LHCGR: variants seen among roughly 807,000 people sequenced by gnomAD.
LHCGR encodes the protein luteinizing hormone/choriogonadotropin receptor, also known as lutropin-choriogonadotropic hormone receptor.
LHCGR carries 55 observed loss-of-function variants against 60.7 expected under a neutral mutation model. The ratio of observed to expected loss-of-function variants is 0.91; its 90% CI spans 0.73 to 1.13. LHCGR has a LOEUF of 1.13. LHCGR is among the 50% of genes most tolerant of loss of function. The probability of loss-of-function intolerance (pLI) is 0.00; values close to 1 mark genes in which losing one functional copy is unlikely to be tolerated. For synonymous variants in LHCGR, 337 were observed against 316.5 expected, an observed-to-expected ratio of 1.06 and a Z score of -0.69; for missense variants, 862 against 836.0, an observed-to-expected ratio of 1.03 and a Z score of -0.38.
Position 48,714,065 on chromosome 2 carries a change from G to C in LHCGR, c.537-11C>G, listed in dbSNP as rs1210254333. 1 of 1,605,898 alleles carries C rather than the reference G, an allele frequency of 6.2e-7. No individual in the cohort carries two copies. Among genetic ancestry groups the C allele is most frequent in the Non-Finnish European group, 8.5e-7 (1 of 1,172,614 alleles). On this transcript the variant is annotated splice_polypyrimidine_tract_variant and intron_variant, in intron 6 of 10. Coordinates refer to ENST00000294954, the MANE Select transcript of LHCGR (RefSeq NM_000233.4). ...TTTCCATATAGTTTGCTGAAGGAGG[G>C]AGGAGAGGGTTTAGGAATGGGAAGA...
At chr2:48,738,287 C>CCAGA (rs1258622930) in intron 1 of LHCGR, among the ~76,000 whole-genome samples, 5 of 152,184 alleles carry the variant, frequency 3.3e-5, no homozygotes, top group Non-Finnish European at 7.3e-5. Context: ...AACATTTCCT[C>CCAGA]TGTTCTCCCA....
intron 8 of LHCGR, among the ~76,000 whole-genome samples, chr2:48,704,080 G>A (rs1017468683): frequency 6.6e-6 from 1 of 152,166 alleles, no homozygotes; most frequent in South Asian, 2.1e-4. Flanking sequence ...CTAGTTTATT[G>A]AGTGTTTTTA....
intron 8 of LHCGR, among the ~76,000 whole-genome samples, chr2:48,708,293 T>C (rs1291753441): frequency 6.6e-6 from 1 of 152,136 alleles, no homozygotes; most frequent in Admixed American, 6.5e-5. Context: ...TCTTTGGCCT[T>C]AGATTCCCAT....
At chr2:48,708,902 T>C in intron 8 of LHCGR, 46 bp downstream of exon 8, 13 of 1,466,302 alleles carry the variant, frequency 8.9e-6, no homozygotes, top group Non-Finnish European at 1.2e-5. Flanking sequence ...AGCAGTCCTG[T>C]TGGGGTACAC....
At chr2:48,745,781 G>A (rs1000494487) in intron 1 of LHCGR, among the ~76,000 whole-genome samples, 1 of 151,276 alleles carries the variant, frequency 6.6e-6, no homozygotes, top group African/African-American at 2.4e-5. Context: ...CACCAGCATG[G>A]CACATGTATA....
chr2:48,731,237 C>G lies in LHCGR; in HGVS notation c.223G>C (p.Val75Leu). 6.2e-7 allele frequency: 1 copy of G among 1,605,348 alleles called. No individual in the cohort carries two copies. Among genetic ancestry groups the G allele is most frequent in the Non-Finnish European group, 8.5e-7 (1 of 1,172,742 alleles). ...CAGTAACTTACTTACATTTTTATGA[C>G]CTCATTAAGTCCTCTGAAAGCTTGA... is the stretch of plus-strand genomic sequence containing the variant. Reference protein sequence around the residue: ...PSQAFRGLNEVIKIEISQIDS... With the variant: ...PSQAFRGLNELIKIEISQIDS... The change falls in exon 2 of 11, where the codon GTC (valine) becomes CTC (leucine). Residue 75 changes from valine (V) to leucine (L), a missense_variant. Val to Leu is a conservative substitution (Grantham distance 32). Transcript: ENST00000294954.
rs1558875268 is a variant in LHCGR, at chr2:48,731,303, A to G, written c.162-5T>C. 6.2e-7 allele frequency: 1 copy of G among 1,605,568 alleles called. No homozygotes were observed. The highest frequency in any genetic ancestry group is 8.5e-7 in the Non-Finnish European group (1 of 1,174,274). On this transcript the variant is annotated splice_region_variant and splice_polypyrimidine_tract_variant and intron_variant, in intron 1 of 10. Transcript: ENST00000294954. ...ACAGGGAGGTAGGCAAGTGATCTAG[A>G]AAAGAAAAAAGGAAATCCAAGAGTT...
intron 7 of LHCGR, among the ~76,000 whole-genome samples, chr2:48,710,127 T>C (rs1306618310): frequency 6.6e-6 from 1 of 152,190 alleles, no homozygotes; most frequent in Admixed American, 6.5e-5. Context: ...TCACTCTGGG[T>C]GGCTGTTTTC....
chr2:48,712,773 G>A (rs1301492882), intron 7 of LHCGR, among the ~76,000 whole-genome samples: 4 of 151,850 alleles, frequency 2.6e-5, no homozygotes, highest in African/African-American at 9.7e-5. Context: ...TTCAAAACAA[G>A]CCTATTATTG....
chr2:48,688,055 C>G lies in LHCGR; in HGVS notation c.1742G>C (p.Cys581Ser). 5 of 1,614,126 alleles carry G rather than the reference C, an allele frequency of 3.1e-6. No homozygotes were observed. Among genetic ancestry groups the G allele is most frequent in the Non-Finnish European group, 4.2e-6 (5 of 1,180,008 alleles). ...GGCAAAAAAAGAGATAGGTGCCATG[C>G]AGGTGAAATCGGTGAAGATGAGGAT... is the stretch of plus-strand genomic sequence containing the variant. ...MAILIFTDFTCMAPISFFAIS... is the reference protein window; with the variant it reads ...MAILIFTDFTSMAPISFFAIS... The change falls in exon 11 of 11, where the codon TGC becomes TCC. Residue 581 changes from cysteine (C) to serine (S), a missense_variant. Coordinates refer to ENST00000294954, the MANE Select transcript of LHCGR (RefSeq NM_000233.4). This position sits in a 1 kb window ranked among gnomAD's most constrained non-coding sequence, Gnocchi z 5.2.
chr2:48,753,681 C>A (rs149264699), intron 1 of LHCGR, among the ~76,000 whole-genome samples: 4 of 152,104 alleles, frequency 2.6e-5, no homozygotes, highest in Admixed American at 2.6e-4. Context: ...GAGAACAGCA[C>A]GTGGCAGCAG....
chr2:48,715,676 A>C (rs922396401), intron 6 of LHCGR, among the ~76,000 whole-genome samples: 1 of 152,182 alleles, frequency 6.6e-6, no homozygotes, highest in South Asian at 2.1e-4. Flanking sequence ...CATCAACAGC[A>C]TGTATGTACT....
intron 6 of LHCGR, chr2:48,721,750 T>G (rs564646059): frequency 4.2e-6 from 2 of 471,210 alleles, no homozygotes; most frequent in Non-Finnish European, 8.8e-6. Flanking sequence ...GGTGAGCTCC[T>G]TTATTGCCTC....
At chr2:48,714,746 C>CAT (rs1668162897) in intron 6 of LHCGR, among the ~76,000 whole-genome samples, 1 of 152,032 alleles carries the variant, frequency 6.6e-6, no homozygotes, top group African/African-American at 2.4e-5. Flanking sequence ...TAAATACACA[C>CAT]ACACACAAAC....
chr2:48,741,121 T>A (rs368006470), intron 1 of LHCGR, among the ~76,000 whole-genome samples: 1,669 of 151,694 alleles, frequency 0.011, 18 homozygotes, highest in Non-Finnish European at 0.019. Context: ...TGAAATGAAG[T>A]GAGAAGGGAA....
At chr2:48,689,486 A>G (rs1367923586) in intron 10 of LHCGR, among the ~76,000 whole-genome samples, 1 of 152,206 alleles carries the variant, frequency 6.6e-6, no homozygotes, top group Non-Finnish European at 1.5e-5. Context: ...CTAATCAAAT[A>G]GTCCAACAGA....
Position 48,687,780 on chromosome 2 carries a change from G to A in LHCGR, c.2017C>T (p.Pro673Ser), listed in dbSNP as rs1458840993. The A allele has an allele frequency of 1.2e-6, 2 of 1,613,980 alleles. No homozygotes were observed. Among genetic ancestry groups the A allele is most frequent in the Non-Finnish European group, 8.5e-7 (1 of 1,179,978 alleles). The change falls in exon 11 of 11, where the codon CCT becomes TCT. Residue 673 changes from proline to serine, a missense_variant. Coordinates refer to ENST00000294954, the MANE Select transcript of LHCGR (RefSeq NM_000233.4). ...CKNGFTGSNK[P>S]SQSTLKLSTL... The stretch of plus-strand genomic sequence containing the variant: ...GACAACTTCAAGGTGGATTGAGAAG[G>A]CTTATTTGATCCAGTGAAGCCATTT...
intron 7 of LHCGR, among the ~76,000 whole-genome samples, chr2:48,709,277 A>T (rs1417582992): frequency 6.6e-6 from 1 of 152,064 alleles, no homozygotes; most frequent in African/African-American, 2.4e-5. Context: ...CCTACAGCTT[A>T]AAGTACTCAC....
intron 6 of LHCGR, chr2:48,721,280 A>T (rs1668482758): frequency 6.3e-6 from 1 of 159,038 alleles, no homozygotes; most frequent in African/African-American, 2.4e-5. Context: ...GGTGGGGGAC[A>T]TGATGAATGA....
Sources: gnomAD v4.1 joint callset for allele counts (sites outside exome capture counted in the v4.1 genomes callset) on GRCh38, gnomAD v4.1.1 for gene constraint, Gnocchi (gnomAD v3.1) non-coding constraint, MANE v1.5 for transcripts, NCBI Gene and HGNC (gene_info 2026-07-23, HGNC 2026-07-21) for gene names.